Variants in PCDHGA8 observed in about 807,000 individuals in gnomAD.
PCDHGA8 encodes protocadherin gamma-A8.
Under a neutral mutation model 59.2 loss-of-function variants are expected in PCDHGA8, and 45 were observed. The ratio of observed to expected loss-of-function variants is 0.76; its 90% CI spans 0.60 to 0.98. PCDHGA8 has a LOEUF of 0.98. Among genes scored for constraint, PCDHGA8 ranks in the 50% least tolerant of loss-of-function variants. PCDHGA8 has a pLI of 0.00. For missense variants in PCDHGA8, 1,257 were observed against 1,196.2 expected, an observed-to-expected ratio of 1.05 and a Z score of -0.75; for synonymous variants, 531 against 519.0, an observed-to-expected ratio of 1.02 and a Z score of -0.32.
intron 1 of PCDHGA8, among the ~76,000 whole-genome samples, chr5:141,455,904 TTTATTTA>T: frequency 6.8e-6 from 1 of 147,982 alleles, no homozygotes. Flanking sequence ...TATTTATTTA[TTTATTTA>T]TTTTGAGACG....
At position 141,491,770 on chromosome 5, in the gene PCDHGA8, G is replaced by C. The variant is rs1230581925; in HGVS notation, c.2425-3037G>C. 1 of 1,560,888 alleles carries C rather than the reference G, an allele frequency of 6.4e-7. No individual in the cohort carries two copies. Among genetic ancestry groups the C allele is most frequent in the Non-Finnish European group, 8.7e-7 (1 of 1,154,942 alleles). On this transcript the variant is annotated intron_variant, in intron 1 of 3. Coordinates refer to ENST00000398604, the MANE Select transcript of PCDHGA8 (RefSeq NM_032088.2). This position sits in a 1 kb window ranked among gnomAD's most constrained non-coding sequence, Gnocchi z 6.9. ...TGGAGAAGCCGCCCGTCCTCATAAG[G>C]GATTGAACTTGCATCCACTCCTCTC...
At chr5:141,427,470 G>A (rs765970767) in intron 1 of PCDHGA8, 8 of 509,992 alleles carry the variant, frequency 1.6e-5, no homozygotes, top group African/African-American at 7.7e-5. Flanking sequence ...CGAATCTTCC[G>A]CCAATAATGA....
At position 141,489,783 on chromosome 5, in the gene PCDHGA8, T is replaced by C; in HGVS notation, c.2425-5024T>C. The C allele has an allele frequency of 6.2e-7, 1 of 1,614,164 alleles. No individual in the cohort carries two copies. On this transcript the variant is annotated intron_variant, in intron 1 of 3. Transcript: ENST00000398604. The surrounding 1 kb of genome is among the most constrained non-coding windows in gnomAD (Gnocchi z 4.5). ...GCCCCAACAGCCACTTCTCTCTGAA[T>C]GTGAAGACCCTAAAAGATGGGAAGC... is the stretch of plus-strand genomic sequence containing the variant.
At chr5:141,437,741 CTT>C (rs35124340) in intron 1 of PCDHGA8, among the ~76,000 whole-genome samples, 17 of 141,612 alleles carry the variant, frequency 1.2e-4, no homozygotes, top group Admixed American at 2.1e-4. Flanking sequence ...TTGAGTTCAC[CTT>C]TTTTTTTTTT....
chr5:141,445,991 T>C (rs532620580), intron 1 of PCDHGA8, among the ~76,000 whole-genome samples: 147 of 152,168 alleles, frequency 9.7e-4, no homozygotes, highest in Admixed American at 3.4e-3. Context: ...TAAATAGAAA[T>C]AGGAAGATAA....
chr5:141,432,173 GTC>G lies in PCDHGA8; in HGVS notation c.2424+36940_2424+36941del. 6.2e-7 allele frequency: 1 copy of G among 1,614,054 alleles called. No individual in the cohort carries two copies. Among genetic ancestry groups the G allele is most frequent in the Non-Finnish European group, 8.5e-7 (1 of 1,180,018 alleles). Reference sequence around the variant, plus strand: ...GAACAATCCCAGAGGAGTTTCCCTCGTCTCTGTGACCGCCCACGACCCCGACT... The same window carrying G: ...GAACAATCCCAGAGGAGTTTCCCTCGTCTGTGACCGCCCACGACCCCGACT... On this transcript the variant is annotated intron_variant, in intron 1 of 3. Coordinates refer to ENST00000398604, the MANE Select transcript of PCDHGA8 (RefSeq NM_032088.2). This position sits in a 1 kb window ranked among gnomAD's most constrained non-coding sequence, Gnocchi z 6.0.
At position 141,431,808 on chromosome 5, in the gene PCDHGA8, C is replaced by A. The variant is rs2097419249; in HGVS notation, c.2424+36571C>A. Reference sequence around the variant, plus strand: ...GACAATGCCCCAGAAGTGGTCCTCACCTCTCTCGCCAGCTCGGTTCCCGAA... The same window carrying A: ...GACAATGCCCCAGAAGTGGTCCTCAACTCTCTCGCCAGCTCGGTTCCCGAA... On this transcript the variant is annotated intron_variant, in intron 1 of 3. Transcript: ENST00000398604. The surrounding 1 kb of genome is among the most constrained non-coding windows in gnomAD (Gnocchi z 4.8). The A allele has an allele frequency of 6.2e-7, 1 of 1,614,236 alleles. No individual in the cohort carries two copies. Among genetic ancestry groups the A allele is most frequent in the Non-Finnish European group, 8.5e-7 (1 of 1,180,040 alleles).
chr5:141,491,956 A>G lies in PCDHGA8; in HGVS notation c.2425-2851A>G, dbSNP rs2099735623. 1.9e-6 allele frequency: 2 copies of G among 1,035,704 alleles called. No homozygotes were observed. Among genetic ancestry groups the G allele is most frequent in the Non-Finnish European group, 2.7e-6 (2 of 749,368 alleles). The allele number at this position is 1,035,704 out of a possible 1,614,324, so 64.2% of individuals were successfully genotyped here. A position where few individuals can be genotyped will look rare whatever the true frequency, so the allele number is the denominator to read the frequency against. On this transcript the variant is annotated intron_variant, in intron 1 of 3. Transcript: ENST00000398604. This position sits in a 1 kb window ranked among gnomAD's most constrained non-coding sequence, Gnocchi z 6.9. Reference sequence around the variant, plus strand: ...GGACCGACCCCCACCCCTACACTCAAAAAAGGCCGGGGCCTCCTTCGAGCT... The same window carrying G: ...GGACCGACCCCCACCCCTACACTCAGAAAAGGCCGGGGCCTCCTTCGAGCT...
At chr5:141,505,993 T>TGCGA (rs2099849805) in intron 3 of PCDHGA8, among the ~76,000 whole-genome samples, 1 of 152,188 alleles carries the variant, frequency 6.6e-6, no homozygotes, top group African/African-American at 2.4e-5. Context: ...CTCCTCTTTA[T>TGCGA]GCGAGGCTCC....
At position 141,432,225 on chromosome 5, in the gene PCDHGA8, A is replaced by T; in HGVS notation, c.2424+36988A>T. On this transcript the variant is annotated intron_variant, in intron 1 of 3. Transcript: ENST00000398604. This position sits in a 1 kb window ranked among gnomAD's most constrained non-coding sequence, Gnocchi z 6.0. ...TGTGAAGAGAACGCCCAGATCACTT[A>T]TTCCCTGGCTGAGAACACCATCCAA... The T allele has an allele frequency of 1.2e-6, 2 of 1,614,206 alleles. No individual in the cohort carries two copies. Among genetic ancestry groups the T allele is most frequent in the South Asian group, 2.2e-5 (2 of 91,080 alleles).
chr5:141,409,130 G>T (rs1265386524), intron 1 of PCDHGA8: 1 of 1,613,994 alleles, frequency 6.2e-7, no homozygotes, highest in Admixed American at 1.7e-5. Context: ...ATTTGATTTT[G>T]AAGATGTAGA....
chr5:141,392,719 C>CCG lies in PCDHGA8; in HGVS notation c.-95_-94insCG. On this transcript the variant is annotated 5_prime_UTR_variant, in exon 1 of 4. The change abolishes the stop of an existing upstream ORF in the 5' untranslated region. Coordinates refer to ENST00000398604, the MANE Select transcript of PCDHGA8 (RefSeq NM_032088.2). ...CCTGTTTGGAGGCACTCCAGGTTTC[C>CCG]GGAGGATTGTCATCTCCATAGCTGC... 7.2e-7 allele frequency: 1 copy of CCG among 1,383,098 alleles called. No individual in the cohort carries two copies. The highest frequency in any genetic ancestry group is 1.5e-5 in the African/African-American group (1 of 68,394). The allele number at this position is 1,383,098 out of a possible 1,614,324, so 85.7% of individuals were successfully genotyped here.
chr5:141,448,145 A>G (rs2098568457), intron 1 of PCDHGA8, among the ~76,000 whole-genome samples: 1 of 151,716 alleles, frequency 6.6e-6, no homozygotes, highest in South Asian at 2.1e-4. Flanking sequence ...TATACCTCAG[A>G]CTCACCCCTG....
Position 141,490,027 on chromosome 5 carries a change from CG to C in PCDHGA8, c.2425-4779del. The C allele has an allele frequency of 6.2e-7, 1 of 1,614,214 alleles. No individual in the cohort carries two copies. Among genetic ancestry groups the C allele is most frequent in the Admixed American group, 1.7e-5 (1 of 60,032 alleles). On this transcript the variant is annotated intron_variant, in intron 1 of 3. Transcript: ENST00000398604. The surrounding 1 kb of genome is among the most constrained non-coding windows in gnomAD (Gnocchi z 5.4). Reference sequence around the variant, plus strand: ...TGCACCCATTGGTACTCTGCTGCTCCGCCTCAATGCCACTGATCCAGACGAG... The same window carrying C: ...TGCACCCATTGGTACTCTGCTGCTCCCCTCAATGCCACTGATCCAGACGAG...
chr5:141,420,022 TA>T (rs2096459209), intron 1 of PCDHGA8: 1 of 1,613,986 alleles, frequency 6.2e-7, no homozygotes. Flanking sequence ...CTTTCAGCCC[TA>T]CTGCAGGAGA....
chr5:141,400,281 C>G, intron 1 of PCDHGA8: 5 of 1,614,016 alleles, frequency 3.1e-6, no homozygotes, highest in Non-Finnish European at 4.2e-6. Context: ...CCAGCCCTGC[C>G]GCCTGGAGCT....
Position 141,476,656 on chromosome 5 carries a change from T to G in PCDHGA8, c.2425-18151T>G, listed in dbSNP as rs190269177. On this transcript the variant is annotated intron_variant, in intron 1 of 3. Transcript: ENST00000398604. The surrounding 1 kb of genome is among the most constrained non-coding windows in gnomAD (Gnocchi z 7.6). ...ATGAGCTGAGCCGAAATGAATACTTTGCGCTTCGCGTGCAGACGCGGGAGG... is the reference window on the plus strand; with the variant it reads ...ATGAGCTGAGCCGAAATGAATACTTGGCGCTTCGCGTGCAGACGCGGGAGG... The G allele has an allele frequency of 1.2e-6, 2 of 1,614,210 alleles. No individual in the cohort carries two copies. The highest frequency in any genetic ancestry group is 1.7e-6 in the Non-Finnish European group (2 of 1,180,044).
rs2099383865 is a variant in PCDHGA8, at chr5:141,476,005, A to G, written c.2425-18802A>G. 1 of 1,267,576 alleles carries G rather than the reference A, an allele frequency of 7.9e-7. No homozygotes were observed. Among genetic ancestry groups the G allele is most frequent in the East Asian group, 2.3e-5 (1 of 42,864 alleles). 78.5% of individuals were successfully genotyped at this position (1,267,576 alleles called of 1,614,324 possible). A position where few individuals can be genotyped will look rare whatever the true frequency, so the allele number is the denominator to read the frequency against. ...CGGCGAGCAAATCAACGGCATCCAG[A>G]AAGCCATGTCGGACTCGGCGCCCAG... On this transcript the variant is annotated intron_variant, in intron 1 of 3. Coordinates refer to ENST00000398604, the MANE Select transcript of PCDHGA8 (RefSeq NM_032088.2). This position sits in a 1 kb window ranked among gnomAD's most constrained non-coding sequence, Gnocchi z 7.6.
intron 1 of PCDHGA8, among the ~76,000 whole-genome samples, chr5:141,462,264 G>A (rs966953621): frequency 1.3e-5 from 2 of 152,174 alleles, no homozygotes; most frequent in African/African-American, 4.8e-5. Context: ...CCAGCCTAAA[G>A]TGTATTGTTT....
Sources: allele counts gnomAD v4.1 joint callset (sites outside exome capture counted in the v4.1 genomes callset), GRCh38; gene constraint gnomAD v4.1.1; non-coding constraint Gnocchi (gnomAD v3.1); transcripts MANE v1.5; gene names NCBI Gene and HGNC (gene_info 2026-07-23, HGNC 2026-07-21).